Variants in MCC observed in about 807,000 individuals in gnomAD.
MCC encodes MCC regulator of Wnt signaling pathway.
A neutral mutation model predicts 116.2 loss-of-function variants in MCC; 90 were observed. The observed-to-expected ratio is 0.77, with a 90% CI of 0.65 to 0.92. MCC has a LOEUF of 0.92. Among genes scored for constraint, MCC ranks in the 40% least tolerant of loss-of-function variants. The probability of loss-of-function intolerance (pLI) is 0.00; values close to 1 mark genes in which losing one functional copy is unlikely to be tolerated. For synonymous variants in MCC, 578 were observed against 510.5 expected (o/e 1.13, Z -1.78); for missense variants, 1,516 against 1,312.2 (o/e 1.16, Z -2.40).
intron 17 of MCC, among the ~76,000 whole-genome samples, chr5:113,039,243 G>C (rs534665543): frequency 1.6e-4 from 24 of 152,304 alleles, no homozygotes; most frequent in Non-Finnish European, 3.5e-4. Flanking sequence ...TTAAAGACGA[G>C]ATCTCGCTAT....
At chr5:113,124,375 G>C (rs1003418543) in intron 5 of MCC, among the ~76,000 whole-genome samples, 1 of 152,224 alleles carries the variant, frequency 6.6e-6, no homozygotes, top group African/African-American at 2.4e-5. Flanking sequence ...TCTGATTTTA[G>C]TTAAGGGAGA....
chr5:113,099,752 G>A (rs534137754), intron 8 of MCC, among the ~76,000 whole-genome samples: 1 of 152,314 alleles, frequency 6.6e-6, no homozygotes, highest in South Asian at 2.1e-4. Context: ...CAGAGTTGGA[G>A]AAAACACTGG....
At chr5:113,468,057 C>T (rs1421608653) in intron 1 of MCC, among the ~76,000 whole-genome samples, 2 of 152,170 alleles carry the variant, frequency 1.3e-5, no homozygotes, top group Non-Finnish European at 2.9e-5. Flanking sequence ...GCTGAAGTTG[C>T]TTATCAGCTT....
At chr5:113,405,558 G>A (rs182482132) in intron 1 of MCC, among the ~76,000 whole-genome samples, 2 of 152,296 alleles carry the variant, frequency 1.3e-5, no homozygotes, top group East Asian at 3.9e-4. Context: ...GGAGGCAGAG[G>A]CAGGAGGATT....
intron 3 of MCC, among the ~76,000 whole-genome samples, chr5:113,314,939 G>A (rs979477275): frequency 1.3e-5 from 2 of 152,186 alleles, no homozygotes; most frequent in South Asian, 4.1e-4. Context: ...AGTCCAGCAG[G>A]ACTGGTCTTA....
chr5:113,155,303 G>A (rs7719036), intron 3 of MCC, among the ~76,000 whole-genome samples: 18,628 of 152,212 alleles, frequency 0.12, 1,544 homozygotes, highest in African/African-American at 0.23. Context: ...CACTTAGGTC[G>A]ATTCCGTATC....
intron 3 of MCC, among the ~76,000 whole-genome samples, chr5:113,186,446 AT>A (rs1160926521): frequency 6.6e-6 from 1 of 152,204 alleles, no homozygotes; most frequent in Non-Finnish European, 1.5e-5. Context: ...TGAACTAGAA[AT>A]GCGGTCAGCC....
At chr5:113,458,409 A>T (rs954378004) in intron 1 of MCC, among the ~76,000 whole-genome samples, 2 of 151,422 alleles carry the variant, frequency 1.3e-5, no homozygotes, top group Non-Finnish European at 2.9e-5. Context: ...ACCCACCAGA[A>T]GGAAGAAACT....
intron 3 of MCC, among the ~76,000 whole-genome samples, chr5:113,232,827 C>G (rs1763984529): frequency 6.6e-6 from 1 of 152,122 alleles, no homozygotes; most frequent in Non-Finnish European, 1.5e-5. Context: ...GCCAGATGGT[C>G]TGGGCTTAAA....
At chr5:113,126,798 G>A (rs1043688706) in intron 5 of MCC, among the ~76,000 whole-genome samples, 1 of 152,178 alleles carries the variant, frequency 6.6e-6, no homozygotes, top group East Asian at 1.9e-4. Flanking sequence ...TAAGTTTTTG[G>A]TGAGTCATGA....
intron 3 of MCC, among the ~76,000 whole-genome samples, chr5:113,168,862 A>G (rs548816244): frequency 6.6e-6 from 1 of 152,172 alleles, no homozygotes; most frequent in South Asian, 2.1e-4. Flanking sequence ...AAGCACAAAG[A>G]CTCTAAATTC....
intron 1 of MCC, among the ~76,000 whole-genome samples, chr5:113,472,585 G>T (rs1772123151): frequency 6.6e-6 from 1 of 152,102 alleles, no homozygotes; most frequent in South Asian, 2.1e-4. Flanking sequence ...AATTTGTTCT[G>T]CTCTGACAGT....
intron 3 of MCC, among the ~76,000 whole-genome samples, chr5:113,259,706 G>A (rs996473761): frequency 1.3e-5 from 2 of 151,902 alleles, no homozygotes; most frequent in Non-Finnish European, 2.9e-5. Context: ...ACCCATTTAT[G>A]CCTAGTGTTC....
intron 2 of MCC, among the ~76,000 whole-genome samples, chr5:113,362,475 A>G (rs1351447664): frequency 3.9e-5 from 6 of 152,242 alleles, no homozygotes; most frequent in Admixed American, 3.9e-4. Context: ...TCTCAAGCTA[A>G]TTAATTGAGT....
intron 1 of MCC, among the ~76,000 whole-genome samples, chr5:113,483,509 G>C (rs1772433229): frequency 6.6e-6 from 1 of 152,116 alleles, no homozygotes; most frequent in Non-Finnish European, 1.5e-5. Flanking sequence ...TATGGGATTA[G>C]AGATCATTTT....
chr5:113,375,388 A>G (rs916056464), intron 2 of MCC, among the ~76,000 whole-genome samples: 1 of 152,192 alleles, frequency 6.6e-6, no homozygotes, highest in Non-Finnish European at 1.5e-5. Flanking sequence ...TTGATTCACA[A>G]TAATTTCACA....
rs542797756 is a variant in MCC at position 113,252,487 on chromosome 5, G to A, written c.627+88032C>T. Among the ~76,000 whole-genome samples, 29 of 152,260 alleles carry A rather than the reference G, an allele frequency of 1.9e-4. No homozygotes were observed. In the East Asian group the frequency reaches 2.5e-3, roughly 13 times the overall value. On this transcript the variant is annotated intron_variant, in intron 3 of 18. Coordinates refer to ENST00000408903, the MANE Select transcript of MCC (RefSeq NM_001085377.2). ...AGAATCTAATGCCTTATGATCTGTC[G>A]CTGTCTGCCATCACCCCCAGATGGG...
At chr5:113,418,594 A>T (rs1235249184) in intron 1 of MCC, among the ~76,000 whole-genome samples, 2 of 152,116 alleles carry the variant, frequency 1.3e-5, no homozygotes, top group African/African-American at 4.8e-5. Flanking sequence ...TCAGAAGTGT[A>T]TTGTGAAGAT....
chr5:113,383,287 A>G (rs146102342), intron 2 of MCC, among the ~76,000 whole-genome samples: 242 of 152,342 alleles, frequency 1.6e-3, no homozygotes, highest in Middle Eastern at 0.01. Flanking sequence ...TTATGTGTTT[A>G]TAGAAGAAAT....
Sources: allele counts gnomAD v4.1 joint callset (sites outside exome capture counted in the v4.1 genomes callset), GRCh38; gene constraint gnomAD v4.1.1; transcripts MANE v1.5; gene names NCBI Gene and HGNC (gene_info 2026-07-23, HGNC 2026-07-21).